The following RPTOR variants were observed in gnomAD, a reference collection of about 807,000 sequenced individuals.
RPTOR encodes regulatory associated protein of MTOR complex 1, also known as regulatory-associated protein of mTOR.
Under a neutral mutation model 169.9 loss-of-function variants are expected in RPTOR, and 21 were observed. That is an observed-to-expected ratio of 0.12 (90% CI 0.09 to 0.18). The LOEUF (loss-of-function observed/expected upper bound fraction) is 0.18, where lower values mean the gene tolerates loss of function less well. RPTOR is among the 10% of genes least tolerant of loss of function. The probability of loss-of-function intolerance (pLI) is 1.00; values close to 1 mark genes in which losing one functional copy is unlikely to be tolerated. For missense variants in RPTOR, 1,133 were observed against 1,855.9 expected (o/e 0.61, Z 7.16); for synonymous variants, 732 against 753.2 (o/e 0.97, Z 0.46).
chr17:80,809,771 G>T (rs2067254547), intron 7 of RPTOR, among the ~76,000 whole-genome samples: 1 of 152,076 alleles, frequency 6.6e-6, no homozygotes, highest in South Asian at 2.1e-4. Flanking sequence ...AGGTGTGGTG[G>T]CTCACGTCTG....
At chr17:80,567,530 G>T (rs1415510528) in intron 1 of RPTOR, among the ~76,000 whole-genome samples, 1 of 151,840 alleles carries the variant, frequency 6.6e-6, no homozygotes. Flanking sequence ...GGTGGCTCAC[G>T]CCTGTAATCC....
At chr17:80,589,965 TC>T (rs1368056494) in intron 1 of RPTOR, among the ~76,000 whole-genome samples, 1 of 152,252 alleles carries the variant, frequency 6.6e-6, no homozygotes, top group Non-Finnish European at 1.5e-5. Flanking sequence ...TTAACTTTTT[TC>T]TTATCCCAAA....
At chr17:80,962,371 C>T (rs1318860051) in intron 31 of RPTOR, 90 bp from the exon 32 acceptor site, 31 of 991,784 alleles carry the variant, frequency 3.1e-5, no homozygotes, top group African/African-American at 1.6e-4. Context: ...AACAGGTGTG[C>T]GACCCCACAC....
intron 1 of RPTOR, among the ~76,000 whole-genome samples, chr17:80,592,982 C>T (rs2065118575): frequency 6.6e-6 from 1 of 152,180 alleles, no homozygotes; most frequent in Non-Finnish European, 1.5e-5. Context: ...GCCGCAAAAA[C>T]ACACTACTTG....
chr17:80,664,690 G>A (rs1055719502), intron 3 of RPTOR, among the ~76,000 whole-genome samples: 8 of 152,164 alleles, frequency 5.3e-5, no homozygotes, highest in Admixed American at 3.3e-4. Context: ...ATGTGAAGAC[G>A]AAGGGAGTCT....
chr17:80,859,777 C>T (rs989132897), intron 13 of RPTOR, among the ~76,000 whole-genome samples: 49 of 152,336 alleles, frequency 3.2e-4, no homozygotes, highest in African/African-American at 1.2e-3. Flanking sequence ...TGTGTGGCGC[C>T]CTGTCAGGCG....
chr17:80,944,284 A>C (rs1293711263), intron 25 of RPTOR, among the ~76,000 whole-genome samples: 2 of 152,200 alleles, frequency 1.3e-5, no homozygotes, highest in Non-Finnish European at 2.9e-5. Flanking sequence ...TGCAATGTGG[A>C]TCCTGGCGAC....
At chr17:80,826,618 G>A (rs891831393) in intron 9 of RPTOR, among the ~76,000 whole-genome samples, 2 of 152,268 alleles carry the variant, frequency 1.3e-5, no homozygotes, top group African/African-American at 4.8e-5. Flanking sequence ...CACCGCCCTG[G>A]CCTCCTCCTG....
chr17:80,743,483 G>A (rs761499625), intron 5 of RPTOR: 66 of 983,850 alleles, frequency 6.7e-5, no homozygotes, highest in Non-Finnish European at 7.8e-5. Context: ...ACTTGTGTGG[G>A]GAGCTCCAGC....
intron 20 of RPTOR, 147 bp downstream of exon 20, chr17:80,894,012 G>T: frequency 2.4e-6 from 2 of 846,802 alleles, no homozygotes; most frequent in Non-Finnish European, 1.7e-6. Flanking sequence ...GGACTGCGAG[G>T]CAGGGAGAAC....
intron 13 of RPTOR, among the ~76,000 whole-genome samples, chr17:80,871,207 G>A (rs535110872): frequency 1.3e-5 from 2 of 152,230 alleles, no homozygotes; most frequent in South Asian, 2.1e-4. Flanking sequence ...CTGTGTTCAC[G>A]CCATTCTCCT....
Position 80,957,803 on chromosome 17 carries a change from C to T in RPTOR, c.3477+73C>T. On this transcript the variant is annotated intron_variant, in intron 29 of 33. Coordinates refer to ENST00000306801, the MANE Select transcript of RPTOR (RefSeq NM_020761.3). The surrounding 1 kb of genome is among the most constrained non-coding windows in gnomAD (Gnocchi z 4.6). ...TGCAGGGCTGGTCCTCGTCACAGAA[C>T]CCAGCAAAGTGTGCGGTGAGGCCTG... 1 of 1,402,020 alleles carries T rather than the reference C, an allele frequency of 7.1e-7. No individual in the cohort carries two copies. Among genetic ancestry groups the T allele is most frequent in the Non-Finnish European group, 1.0e-6 (1 of 991,396 alleles). 86.8% of individuals were successfully genotyped at this position (1,402,020 alleles called of 1,614,324 possible).
intron 17 of RPTOR, among the ~76,000 whole-genome samples, chr17:80,888,685 G>A (rs1268416914): frequency 5.9e-5 from 9 of 152,282 alleles, no homozygotes; most frequent in Admixed American, 2.0e-4. Flanking sequence ...ATGTGCTACA[G>A]ACGACACCCC....
At chr17:80,764,436 T>A (rs2143386188) in intron 6 of RPTOR, among the ~76,000 whole-genome samples, 1 of 151,510 alleles carries the variant, frequency 6.6e-6, no homozygotes, top group South Asian at 2.1e-4. Context: ...CTTGCAATAG[T>A]TTACTGAGAA....
At chr17:80,887,760 C>T (rs757183557) in intron 17 of RPTOR, among the ~76,000 whole-genome samples, 5 of 152,172 alleles carry the variant, frequency 3.3e-5, no homozygotes, top group South Asian at 2.1e-4. Flanking sequence ...ATAAAAGTGT[C>T]CTCTCCTGTG....
intron 3 of RPTOR, among the ~76,000 whole-genome samples, chr17:80,687,277 GTC>G (rs1489399226): frequency 6.6e-6 from 1 of 152,086 alleles, no homozygotes; most frequent in South Asian, 2.1e-4. Context: ...TCTTTCTCCT[GTC>G]TCTCCTCCCA....
At chr17:80,616,396 G>T (rs554690878) in intron 1 of RPTOR, among the ~76,000 whole-genome samples, 52 of 140,866 alleles carry the variant, frequency 3.7e-4, no homozygotes, top group African/African-American at 1.4e-3. Flanking sequence ...CTGCCTCCCA[G>T]GTTCAAGCAA....
At chr17:80,847,093 C>T (rs532125352) in intron 11 of RPTOR, among the ~76,000 whole-genome samples, 2 of 152,376 alleles carry the variant, frequency 1.3e-5, no homozygotes, top group South Asian at 2.1e-4. Context: ...GGCCCAGCGC[C>T]GTAGGTTATG....
intron 2 of RPTOR, among the ~76,000 whole-genome samples, chr17:80,642,918 C>T (rs929318859): frequency 2.0e-5 from 3 of 151,954 alleles, no homozygotes; most frequent in Non-Finnish European, 2.9e-5. Flanking sequence ...TCCAGAAATT[C>T]GCAAAAATAT....
Sources: gnomAD v4.1 joint callset for allele counts (sites outside exome capture counted in the v4.1 genomes callset) on GRCh38, gnomAD v4.1.1 for gene constraint, Gnocchi (gnomAD v3.1) non-coding constraint, MANE v1.5 for transcripts, NCBI Gene and HGNC (gene_info 2026-07-23, HGNC 2026-07-21) for gene names.